The following RYK variants were observed in gnomAD, a reference collection of about 807,000 sequenced individuals.
RYK encodes the protein inactive tyrosine-protein kinase RYK.
In RYK, 21 loss-of-function variants were observed where a neutral mutation model predicts 70.2. That is an observed-to-expected ratio of 0.30 (90% CI 0.21 to 0.43). RYK has a LOEUF of 0.43. Among genes scored for constraint, RYK ranks in the 20% least tolerant of loss-of-function variants. RYK has a pLI of 1.00. For missense variants in RYK, 604 were observed against 753.3 expected, an observed-to-expected ratio of 0.80 and a Z score of 2.32; for synonymous variants, 267 against 278.0, an observed-to-expected ratio of 0.96 and a Z score of 0.39.
chr3:134,207,075 A>G (rs2014236397), intron 5 of RYK, among the ~76,000 whole-genome samples: 2 of 152,196 alleles, frequency 1.3e-5, no homozygotes, highest in Admixed American at 6.5e-5. Context: ...TTTAAGTAAC[A>G]TAATATCTTT....
chr3:134,213,469 A>G (rs2014460942), intron 2 of RYK, among the ~76,000 whole-genome samples: 1 of 152,200 alleles, frequency 6.6e-6, no homozygotes, highest in Admixed American at 6.5e-5. Flanking sequence ...GCACTTCTCC[A>G]TAATCATCAG....
At chr3:134,175,549 C>T in intron 13 of RYK, 60 bp downstream of exon 13, 3 of 1,539,680 alleles carry the variant, frequency 1.9e-6, no homozygotes, top group Non-Finnish European at 2.6e-6. Flanking sequence ...AATAGTAGAA[C>T]ATTTAAAAAC....
chr3:134,174,215 G>A (rs2013021659), intron 13 of RYK, among the ~76,000 whole-genome samples: 1 of 152,166 alleles, frequency 6.6e-6, no homozygotes, highest in East Asian at 1.9e-4. Context: ...TCTGGAAGGA[G>A]CCCAGCCCTG....
At chr3:134,195,594 T>C (rs186047317) in intron 6 of RYK, among the ~76,000 whole-genome samples, 1 of 152,302 alleles carries the variant, frequency 6.6e-6, no homozygotes, top group East Asian at 1.9e-4. Flanking sequence ...CAATATCAAA[T>C]GGCCTACAGA....
chr3:134,185,978 C>T (rs1274119345), intron 9 of RYK, among the ~76,000 whole-genome samples: 2 of 152,108 alleles, frequency 1.3e-5, no homozygotes, highest in African/African-American at 4.8e-5. Context: ...CAGTCTCATC[C>T]TAGTCTTTTA....
At chr3:134,199,585 C>G (rs909417511) in intron 6 of RYK, among the ~76,000 whole-genome samples, 2 of 152,170 alleles carry the variant, frequency 1.3e-5, no homozygotes, top group Admixed American at 6.5e-5. Context: ...TACTGGTAAA[C>G]AGAAAACACT....
chr3:134,222,430 A>G lies in RYK; in HGVS notation c.342T>C (p.His114=). 1 of 1,613,132 alleles carries G rather than the reference A, an allele frequency of 6.2e-7. No individual in the cohort carries two copies. The highest frequency in any genetic ancestry group is 2.2e-5 in the East Asian group (1 of 44,878). ...SETNFLHFTW[H]AKSKVEYKLG... Reference sequence around the variant, plus strand: ...GCCACTCTCTTACCTTGGACTTCGCATGCCAGGTGAAGTGCAGGAAATTTG... The same window carrying G: ...GCCACTCTCTTACCTTGGACTTCGCGTGCCAGGTGAAGTGCAGGAAATTTG... The change falls in exon 2 of 15, where the codon CAT becomes CAC. Residue 114 remains histidine, a synonymous_variant. Coordinates refer to ENST00000623711, the MANE Select transcript of RYK (RefSeq NM_002958.4).
intron 1 of RYK, among the ~76,000 whole-genome samples, chr3:134,243,814 G>A (rs1311385516): frequency 6.6e-6 from 1 of 152,048 alleles, no homozygotes; most frequent in Non-Finnish European, 1.5e-5. Flanking sequence ...AAAAGTAAGT[G>A]CTCCTACAAT....
Position 134,188,888 on chromosome 3 carries a change from C to T in RYK, c.1051G>A (p.Asp351Asn), listed in dbSNP as rs766279665. Residue 351 changes from aspartate to asparagine, a missense_variant, in exon 9 of 15, where the codon GAT (aspartate) becomes AAT (asparagine). By Grantham distance (23) the Asp-to-Asn change is conservative. Coordinates refer to ENST00000623711, the MANE Select transcript of RYK (RefSeq NM_002958.4). ...FGRIFHGILI[D>N]EKDPNKEKQA... Reference sequence around the variant, plus strand: ...TTTTCTTTATTTGGATCTTTTTCATCTATTAAAATCCCATGGAAAATACGC... The same window carrying T: ...TTTTCTTTATTTGGATCTTTTTCATTTATTAAAATCCCATGGAAAATACGC... 1 of 1,579,926 alleles carries T rather than the reference C, an allele frequency of 6.3e-7. No homozygotes were observed. The highest frequency in any genetic ancestry group is 8.7e-7 in the Non-Finnish European group (1 of 1,154,186).
At chr3:134,209,646 C>T in intron 4 of RYK, 49 bp downstream of exon 4, 1 of 1,286,540 alleles carries the variant, frequency 7.8e-7, no homozygotes, top group Non-Finnish European at 1.0e-6. Flanking sequence ...CTCTATTTTT[C>T]ACCTTCTCAC....
At chr3:134,183,319 G>A (rs2013359339) in intron 9 of RYK, 1 of 274,886 alleles carries the variant, frequency 3.6e-6, no homozygotes, top group Non-Finnish European at 6.8e-6. Flanking sequence ...TGCAATAACA[G>A]ACTGGAAAAA....
chr3:134,248,145 G>A (rs917884365), intron 1 of RYK, among the ~76,000 whole-genome samples: 1 of 152,184 alleles, frequency 6.6e-6, no homozygotes, highest in Non-Finnish European at 1.5e-5. Flanking sequence ...CAACGAACCT[G>A]AATCTGGCAG....
Position 134,157,943 on chromosome 3 carries a change from G to C in RYK, c.*210C>G, listed in dbSNP as rs1187816481. On this transcript the variant is annotated 3_prime_UTR_variant, in exon 15 of 15. Coordinates refer to ENST00000623711, the MANE Select transcript of RYK (RefSeq NM_002958.4). ...CAAAAAATTTACAAAAACCCTTTCA[G>C]TTCAACCTAATAAAAGTGATATCTA... 5 of 381,598 alleles carry C rather than the reference G, an allele frequency of 1.3e-5. No homozygotes were observed. In the East Asian group the frequency reaches 1.9e-4, roughly 15 times the overall value. 23.6% of individuals were successfully genotyped at this position (381,598 alleles called of 1,614,324 possible).
intron 8 of RYK, among the ~76,000 whole-genome samples, chr3:134,189,576 C>T (rs1383517228): frequency 1.3e-5 from 2 of 151,606 alleles, no homozygotes; most frequent in Non-Finnish European, 2.9e-5. Flanking sequence ...GTGGCTAACA[C>T]GGTGAAACCC....
At chr3:134,158,291 G>A in intron 14 of RYK, 27 bp from the exon 15 acceptor site, 1 of 1,447,352 alleles carries the variant, frequency 6.9e-7, no homozygotes, top group Non-Finnish European at 9.4e-7. Flanking sequence ...ATGAAAATTT[G>A]GGCTAGTAAG....
intron 13 of RYK, among the ~76,000 whole-genome samples, chr3:134,168,136 G>A (rs2012752527): frequency 6.6e-6 from 1 of 152,194 alleles, no homozygotes; most frequent in African/African-American, 2.4e-5. Context: ...TGATGGAGAG[G>A]ATGTGGAGAA....
chr3:134,204,591 C>CACAGCCACACACACA (rs2014143765), intron 5 of RYK, among the ~76,000 whole-genome samples: 2 of 140,784 alleles, frequency 1.4e-5, no homozygotes, highest in East Asian at 4.2e-4. Context: ...ACAGCCACAG[C>CACAGCCACACACACA]CACACACACA....
intron 1 of RYK, among the ~76,000 whole-genome samples, chr3:134,231,081 T>G (rs1451804053): frequency 6.6e-6 from 1 of 151,548 alleles, no homozygotes; most frequent in Non-Finnish European, 1.5e-5. Context: ...AAAAATAATA[T>G]GTAAGTAAGT....
At chr3:134,224,366 T>C (rs918850749) in intron 1 of RYK, among the ~76,000 whole-genome samples, 5 of 152,196 alleles carry the variant, frequency 3.3e-5, no homozygotes, top group East Asian at 3.8e-4. Context: ...TATGTCATTA[T>C]TTCTTCTATG....
Sources: gnomAD v4.1 joint callset for allele counts (sites outside exome capture counted in the v4.1 genomes callset) on GRCh38, gnomAD v4.1.1 for gene constraint, MANE v1.5 for transcripts, NCBI Gene and HGNC (gene_info 2026-07-23, HGNC 2026-07-21) for gene names.